Variants in NBEAL2 observed in about 807,000 individuals in gnomAD.
NBEAL2 encodes the protein neurobeachin like 2.
In NBEAL2, 160 loss-of-function variants were observed where a neutral mutation model predicts 299.8. The ratio of observed to expected loss-of-function variants is 0.53; its 90% confidence interval spans 0.47 to 0.61. The LOEUF (loss-of-function observed/expected upper bound fraction) is 0.61. NBEAL2 is among the 20% of genes least tolerant of loss of function. The pLI, the probability that NBEAL2 is intolerant of heterozygous loss-of-function variation, is 0.00. For synonymous variants in NBEAL2, 1,493 were observed against 1,542.3 expected (o/e 0.97, Z 0.75); for missense variants, 3,112 against 3,649.0 (o/e 0.85, Z 3.79).
In NBEAL2 at chr3:46,991,949, G is replaced by A. The variant is rs1208104478; in HGVS notation, c.1032+3G>A. 4 of 1,590,636 alleles carry A rather than the reference G, an allele frequency of 2.5e-6. No homozygotes were observed. The Admixed American group carries it at 7.1e-5, about 28-fold the overall frequency. On this transcript the variant is annotated splice_donor_region_variant and intron_variant, in intron 9 of 53. Transcript: ENST00000450053. The surrounding 1 kb of genome is among the most constrained non-coding windows in gnomAD (Gnocchi z 6.2). ...CTCGGCTCATTCAGAACAGCAAGGTGGGTAGGGCCCAGCCTGGGGGTGAGG... is the reference window on the plus strand; with the variant it reads ...CTCGGCTCATTCAGAACAGCAAGGTAGGTAGGGCCCAGCCTGGGGGTGAGG...
At chr3:46,996,866 G>A (rs201426707) in intron 17 of NBEAL2, 33 bp downstream of exon 17, 1,404 of 1,610,688 alleles carry the variant, frequency 8.7e-4, no homozygotes, top group Non-Finnish European at 1.0e-3. Flanking sequence ...TGGTTGGCTC[G>A]ACTGTGCTAC....
chr3:46,998,558 C>A lies in NBEAL2; in HGVS notation c.3214C>A (p.His1072Asn). ...GTTTATCTTGGATGCTCTGCGCACC[C>A]ACTACAGGTGAGGCCAGTGGGGCCA... ...VQFILDALRT[H>N]YSPQRERPLA... The change falls in exon 22 of 54, where the codon CAC becomes AAC. Residue 1072 changes from histidine to asparagine, a missense_variant. His to Asn is a moderately conservative substitution (Grantham distance 68, BLOSUM62 1). Around this residue, in one of 3 missense-constraint regions of NBEAL2, gnomAD observed 2,243 missense variants for 2,538.1 expected, o/e 0.88. Coordinates refer to ENST00000450053, the MANE Select transcript of NBEAL2 (RefSeq NM_015175.3). 1.2e-6 allele frequency: 2 copies of A among 1,610,220 alleles called. No homozygotes were observed. The highest frequency in any genetic ancestry group is 2.2e-5 in the East Asian group (1 of 44,736).
At position 47,009,427 on chromosome 3, in the gene NBEAL2, A is replaced by G; in HGVS notation, c.*107A>G. On this transcript the variant is annotated 3_prime_UTR_variant, in exon 54 of 54. Transcript: ENST00000450053. ...CCGGGGTGGGCAGCCCAGGGGGGTG[A>G]GCGGGGCCCACCCTGCCCAGCTCAG... 1 of 981,418 alleles carries G rather than the reference A, an allele frequency of 1.0e-6. No individual in the cohort carries two copies. 60.8% of individuals were successfully genotyped at this position (981,418 alleles called of 1,614,324 possible). A position where few individuals can be genotyped will look rare whatever the true frequency, so the allele number is the denominator to read the frequency against.
Position 46,991,535 on chromosome 3 carries a change from G to T in NBEAL2, c.772G>T (p.Val258Phe). Reference sequence around the variant, plus strand: ...GGCTCTAGAGGCACTGGTAGGTGCAGTCCATGTCTTGCATGCCAGCCGCGC... The same window carrying T: ...GGCTCTAGAGGCACTGGTAGGTGCATTCCATGTCTTGCATGCCAGCCGCGC... ...PLALEALVGA[V>F]HVLHASRAPP... is the part of the protein sequence containing the mutation. Residue 258 changes from valine to phenylalanine, a missense_variant, in exon 8 of 54, where the codon GTC (valine) becomes TTC (phenylalanine). By Grantham distance (50) the Val-to-Phe change is conservative. Coordinates refer to ENST00000450053, the MANE Select transcript of NBEAL2 (RefSeq NM_015175.3). This position sits in a 1 kb window ranked among gnomAD's most constrained non-coding sequence, Gnocchi z 6.2. 6.2e-7 allele frequency: 1 copy of T among 1,609,272 alleles called. No homozygotes were observed. Among genetic ancestry groups the T allele is most frequent in the Non-Finnish European group, 8.5e-7 (1 of 1,179,872 alleles).
At position 47,007,124 on chromosome 3, in the gene NBEAL2, CCTT is replaced by C. The variant is rs2107452498; in HGVS notation, c.7195_7197del (p.Phe2399del). 1.9e-6 allele frequency: 3 copies of C among 1,613,798 alleles called. No homozygotes were observed. The highest frequency in any genetic ancestry group is 2.5e-6 in the Non-Finnish European group (3 of 1,179,814). On this transcript the variant is annotated inframe_deletion, in exon 46 of 54. Coordinates refer to ENST00000450053, the MANE Select transcript of NBEAL2 (RefSeq NM_015175.3). Reference sequence around the variant, plus strand: ...CTGGTCCCCCACCGGCAGCCCCACTCCTTCATCACCCAGGGTTCCCCAGACCTG... The same window carrying C: ...CTGGTCCCCCACCGGCAGCCCCACTCCATCACCCAGGGTTCCCCAGACCTG...
intron 1 of NBEAL2, among the ~76,000 whole-genome samples, chr3:46,986,551 C>T (rs1376322815): frequency 6.6e-6 from 1 of 152,128 alleles, no homozygotes; most frequent in African/African-American, 2.4e-5. Flanking sequence ...CAAATTTGGG[C>T]TTTCAGGTGC....
intron 20 of NBEAL2, 92 bp from the exon 21 acceptor site, chr3:46,997,975 T>A: frequency 7.0e-7 from 1 of 1,425,840 alleles, no homozygotes; most frequent in Admixed American, 2.3e-5. Flanking sequence ...TTTGTGGCCG[T>A]CATGGCTGTG....
At position 46,996,483 on chromosome 3, in the gene NBEAL2, C is replaced by A; in HGVS notation, c.2364C>A (p.Thr788=). ...GCATCGACTCTACCCTCGCAGGCAC[C>A]CAGGACACTCGGTGGGGCAGCCCCA... The part of the protein sequence containing the change: ...EGSIDSTLAG[T]QDTRWGSPTS... Residue 788 remains threonine, a synonymous_variant, in exon 16 of 54, where the codon ACC becomes ACA. Transcript: ENST00000450053. 6.3e-7 allele frequency: 1 copy of A among 1,592,646 alleles called. No individual in the cohort carries two copies. Among genetic ancestry groups the A allele is most frequent in the Non-Finnish European group, 8.6e-7 (1 of 1,167,804 alleles).
At position 46,996,317 on chromosome 3, in the gene NBEAL2, C is replaced by T. The variant is rs372408663; in HGVS notation, c.2198C>T (p.Thr733Ile). 6.2e-7 allele frequency: 1 copy of T among 1,611,016 alleles called. No homozygotes were observed. The highest frequency in any genetic ancestry group is 8.5e-7 in the Non-Finnish European group (1 of 1,179,862). The change falls in exon 16 of 54, where the codon ACC becomes ATC. Residue 733 changes from threonine to isoleucine, a missense_variant. This residue lies in a region of NBEAL2 where 2,243 missense variants were observed against 2,538.1 expected (regional missense o/e 0.88). Coordinates refer to ENST00000450053, the MANE Select transcript of NBEAL2 (RefSeq NM_015175.3). ...GGCTCCGCTGGATACCGCACAACGA[C>T]CACCACCACAGGGCTGCCCACACCA... ...CIGSAGYRTT[T>I]TTTGLPTPPV...
chr3:46,994,772 C>T (rs939070863), intron 12 of NBEAL2, among the ~76,000 whole-genome samples: 2 of 152,200 alleles, frequency 1.3e-5, no homozygotes, highest in Admixed American at 6.5e-5. Context: ...CCAGGATTAT[C>T]TTAGGAACAT....
At chr3:46,993,429 C>G (rs1254485434) in intron 10 of NBEAL2, among the ~76,000 whole-genome samples, 1 of 152,182 alleles carries the variant, frequency 6.6e-6, no homozygotes, top group African/African-American at 2.4e-5. Flanking sequence ...CCAGGCTGAG[C>G]CTCAGTGCCC....
rs1345801092 is a variant in NBEAL2, at chr3:46,997,010, C to T, written c.2613C>T (p.Arg871=). 6.2e-7 allele frequency: 1 copy of T among 1,613,372 alleles called. No individual in the cohort carries two copies. The highest frequency in any genetic ancestry group is 1.1e-5 in the South Asian group (1 of 91,086). ...CCCCCAGTCATGGGCTTGATGGGCG[C>T]CTGACGGGCCACAGAGTGGAGACCT... is the stretch of plus-strand genomic sequence containing the variant. ...DLSPSHGLDG[R]LTGHRVETWD... is the part of the protein sequence containing the mutation. The change falls in exon 18 of 54, where the codon CGC becomes CGT. Residue 871 remains arginine, a synonymous_variant. Coordinates refer to ENST00000450053, the MANE Select transcript of NBEAL2 (RefSeq NM_015175.3).
At position 47,003,924 on chromosome 3, in the gene NBEAL2, A is replaced by T. The variant is rs746233126; in HGVS notation, c.5829A>T (p.Thr1943=). 5 of 1,613,602 alleles carry T rather than the reference A, an allele frequency of 3.1e-6. No individual in the cohort carries two copies. The highest frequency in any genetic ancestry group is 4.2e-6 in the Non-Finnish European group (5 of 1,179,760). The part of the protein sequence containing the change: ...AVVPGLLEVT[T]QNVYFYDGST... ...TCCCAGGGCTGCTGGAGGTCACCAC[A>T]CAGAATGTATACTTCTACGATGGCA... Residue 1943 remains threonine (T), a synonymous_variant, in exon 36 of 54, where the codon ACA becomes ACT. Transcript: ENST00000450053. This position sits in a 1 kb window ranked among gnomAD's most constrained non-coding sequence, Gnocchi z 7.0.
At chr3:46,984,295 G>GCGAGACTC (rs1020838876) in intron 1 of NBEAL2, among the ~76,000 whole-genome samples, 10 of 152,100 alleles carry the variant, frequency 6.6e-5, no homozygotes, top group Admixed American at 5.9e-4. Flanking sequence ...CGGCGACAGA[G>GCGAGACTC]CGAGACTCCG....
At position 47,003,602 on chromosome 3, in the gene NBEAL2, G is replaced by A. The variant is rs1457871889; in HGVS notation, c.5721-214G>A. ...TGGGTGAGGGGAGCAGGGGACAAGGGTTGGCATCCTGGCAAAATATTCAGA... is the reference window on the plus strand; with the variant it reads ...TGGGTGAGGGGAGCAGGGGACAAGGATTGGCATCCTGGCAAAATATTCAGA... On this transcript the variant is annotated intron_variant, in intron 35 of 53. Transcript: ENST00000450053. This position sits in a 1 kb window ranked among gnomAD's most constrained non-coding sequence, Gnocchi z 7.0. 6.6e-6 allele frequency among the ~76,000 whole-genome samples: 1 copy of A among 152,122 alleles called. No individual in the cohort carries two copies. Among genetic ancestry groups the A allele is most frequent in the Non-Finnish European group, 1.5e-5 (1 of 68,022 alleles).
intron 1 of NBEAL2, among the ~76,000 whole-genome samples, chr3:46,987,634 CCT>C (rs1424055774): frequency 6.6e-6 from 1 of 152,168 alleles, no homozygotes; most frequent in Non-Finnish European, 1.5e-5. Flanking sequence ...TACATCGACC[CCT>C]GTGGCCTGAG....
At chr3:46,992,027 A>C in intron 9 of NBEAL2, 81 bp downstream of exon 9, 1 of 1,236,754 alleles carries the variant, frequency 8.1e-7, no homozygotes, top group African/African-American at 1.5e-5. Context: ...GCTGCTGCTG[A>C]GCAAACATGG....
rs757018270 is a variant in NBEAL2, at chr3:47,005,045, C to T, written c.6368C>T (p.Ser2123Phe). Residue 2123 changes from serine (S) to phenylalanine (F), a missense_variant, in exon 39 of 54, where the codon TCT becomes TTT. Around this residue, in one of 3 missense-constraint regions of NBEAL2, gnomAD observed 521 missense variants for 729.6 expected, o/e 0.71. Transcript: ENST00000450053. ...LSNPAVFRDL[S>F]KPIGVVNPKH... is the part of the protein sequence containing the mutation. ...AACCCAGCCGTCTTCCGGGACCTGT[C>T]TAAGCCCATCGGTGTGGTGAACCCC... 1.2e-6 allele frequency: 2 copies of T among 1,613,616 alleles called. No individual in the cohort carries two copies. Among genetic ancestry groups the T allele is most frequent in the Admixed American group, 1.7e-5 (1 of 59,990 alleles).
Position 46,991,522 on chromosome 3 carries a change from A to G in NBEAL2, c.759A>G (p.Ala253=), listed in dbSNP as rs763241702. 9.9e-6 allele frequency: 16 copies of G among 1,610,402 alleles called. No homozygotes were observed. In the African/African-American group the frequency reaches 1.3e-4, roughly 13 times the overall value. Residue 253 remains alanine (A), a synonymous_variant, in exon 8 of 54, where the codon GCA becomes GCG. Coordinates refer to ENST00000450053, the MANE Select transcript of NBEAL2 (RefSeq NM_015175.3). This position sits in a 1 kb window ranked among gnomAD's most constrained non-coding sequence, Gnocchi z 6.2. ...GCCTAGTGCCACTGGCTCTAGAGGCACTGGTAGGTGCAGTCCATGTCTTGC... is the reference window on the plus strand; with the variant it reads ...GCCTAGTGCCACTGGCTCTAGAGGCGCTGGTAGGTGCAGTCCATGTCTTGC... ...DPCLVPLALE[A]LVGAVHVLHA...
Sources: gnomAD v4.1 joint callset for allele counts (sites outside exome capture counted in the v4.1 genomes callset) on GRCh38, gnomAD v4.1.1 for gene constraint, gnomAD v4.1.1 regional missense constraint, Gnocchi (gnomAD v3.1) non-coding constraint, MANE v1.5 for transcripts, NCBI Gene and HGNC (gene_info 2026-07-23, HGNC 2026-07-21) for gene names.